GABRR1: variants seen among roughly 807,000 people sequenced by gnomAD.
The protein encoded by GABRR1 is gamma-aminobutyric acid type A receptor subunit rho1, also known as gamma-aminobutyric acid receptor subunit rho-1.
GABRR1 carries 59 observed loss-of-function variants against 55.5 expected under a neutral mutation model. The ratio of observed to expected loss-of-function variants is 1.06; its 90% CI spans 0.86 to 1.32. GABRR1 has a LOEUF of 1.32. GABRR1 is among the 40% of genes most tolerant of loss of function. The pLI, the probability that GABRR1 is intolerant of heterozygous loss-of-function variation, is 0.00. For missense variants in GABRR1, 602 were observed against 619.1 expected, an observed-to-expected ratio of 0.97 and a Z score of 0.29; for synonymous variants, 213 against 226.0, an observed-to-expected ratio of 0.94 and a Z score of 0.51.
chr6:89,180,584 A>C (rs1295002021), intron 8 of GABRR1, 96 bp from the exon 9 acceptor site: 2 of 1,420,862 alleles, frequency 1.4e-6, no homozygotes, highest in African/African-American at 2.8e-5. Context: ...CTGCTCCCTC[A>C]ATCTAGAATG....
chr6:89,183,628 A>G (rs774542678), intron 7 of GABRR1, among the ~76,000 whole-genome samples: 14 of 152,220 alleles, frequency 9.2e-5, no homozygotes, highest in Non-Finnish European at 1.8e-4. Flanking sequence ...CAACAGATGA[A>G]TGGATATGAA....
At chr6:89,227,169 A>C (rs1196630256) in intron 1 of GABRR1, among the ~76,000 whole-genome samples, 2 of 113,340 alleles carry the variant, frequency 1.8e-5, no homozygotes, top group African/African-American at 3.5e-5. Flanking sequence ...TTTTGGGCTG[A>C]GACAATGGGG....
At chr6:89,189,891 A>C (rs1436011517) in intron 6 of GABRR1, among the ~76,000 whole-genome samples, 1 of 151,982 alleles carries the variant, frequency 6.6e-6, no homozygotes, top group African/African-American at 2.4e-5. Flanking sequence ...CTAAAAATAC[A>C]AAAAATTAGC....
At chr6:89,208,368 C>G (rs1367730402) in intron 1 of GABRR1, among the ~76,000 whole-genome samples, 1 of 152,094 alleles carries the variant, frequency 6.6e-6, no homozygotes, top group Non-Finnish European at 1.5e-5. Flanking sequence ...TTTTTGGTAA[C>G]TAATACTGTG....
At chr6:89,184,663 G>C (rs925998825) in intron 7 of GABRR1, among the ~76,000 whole-genome samples, 2 of 152,178 alleles carry the variant, frequency 1.3e-5, no homozygotes, top group African/African-American at 2.4e-5. Flanking sequence ...TGCTGTCAAG[G>C]AGGGGACTCG....
chr6:89,187,630 C>T (rs1480418147), intron 6 of GABRR1, among the ~76,000 whole-genome samples: 3 of 152,124 alleles, frequency 2.0e-5, no homozygotes, highest in African/African-American at 4.8e-5. Flanking sequence ...TCCCTGTTTC[C>T]CCTCTCCCCA....
intron 7 of GABRR1, among the ~76,000 whole-genome samples, chr6:89,184,845 A>G (rs1234190138): frequency 1.3e-5 from 2 of 150,332 alleles, no homozygotes; most frequent in African/African-American, 2.5e-5. Context: ...GCTACCCACT[A>G]GACTTCACTT....
chr6:89,225,983 A>T (rs1245485627), intron 1 of GABRR1, among the ~76,000 whole-genome samples: 2 of 151,126 alleles, frequency 1.3e-5, no homozygotes, highest in Non-Finnish European at 3.0e-5. Context: ...GGTATCTCAT[A>T]GTGGTCTTGA....
At chr6:89,205,049 G>A (rs908943212) in intron 1 of GABRR1, among the ~76,000 whole-genome samples, 2 of 152,162 alleles carry the variant, frequency 1.3e-5, no homozygotes, top group Admixed American at 6.5e-5. Flanking sequence ...CACTGCTTGA[G>A]CACTTCCTAT....
intron 1 of GABRR1, among the ~76,000 whole-genome samples, chr6:89,207,435 T>C (rs1772686556): frequency 6.6e-6 from 1 of 152,138 alleles, no homozygotes; most frequent in Non-Finnish European, 1.5e-5. Context: ...GCTCAAGCGA[T>C]CTGCCCGCCT....
intron 2 of GABRR1, among the ~76,000 whole-genome samples, chr6:89,202,331 A>C (rs1772506034): frequency 1.3e-5 from 2 of 151,946 alleles, no homozygotes; most frequent in African/African-American, 4.8e-5. Context: ...TCACTGTGTC[A>C]CCCAGGCTGG....
At chr6:89,223,910 T>C (rs12202695) in intron 1 of GABRR1, among the ~76,000 whole-genome samples, 54,221 of 151,404 alleles carry the variant, frequency 0.36, 10,229 homozygotes, top group African/African-American at 0.45. Context: ...ACTACAGGCA[T>C]ATGCCACCAT....
upstream of GABRR1, among the ~76,000 whole-genome samples, chr6:89,219,864 T>A (rs1181054879): frequency 6.6e-6 from 1 of 152,210 alleles, no homozygotes; most frequent in African/African-American, 2.4e-5. Flanking sequence ...GTCTGTTCAT[T>A]TTATAGTTAT....
At chr6:89,203,557 C>G (rs1196335586) in intron 1 of GABRR1, 72 bp from the exon 2 acceptor site, 2 of 1,089,642 alleles carry the variant, frequency 1.8e-6, no homozygotes, top group Non-Finnish European at 2.8e-6. Flanking sequence ...GCACCCCTCT[C>G]CCTCCAGATT....
intron 1 of GABRR1, among the ~76,000 whole-genome samples, chr6:89,213,788 C>T (rs921454996): frequency 6.7e-6 from 1 of 149,614 alleles, no homozygotes; most frequent in African/African-American, 2.5e-5. Context: ...AGAAAATACA[C>T]AAAAATGTTA....
chr6:89,207,034 G>T (rs923655228), intron 1 of GABRR1, among the ~76,000 whole-genome samples: 1 of 152,014 alleles, frequency 6.6e-6, no homozygotes, highest in South Asian at 2.1e-4. Flanking sequence ...AGAATTGAAG[G>T]GATCCATAAG....
chr6:89,185,561 A>G (rs757623619), intron 6 of GABRR1, 111 bp from the exon 7 acceptor site: 1 of 914,636 alleles, frequency 1.1e-6, no homozygotes, highest in Non-Finnish European at 1.7e-6. Flanking sequence ...TGGGATTGTG[A>G]TATGATAGTT....
At chr6:89,218,264 A>G (rs1037015216), upstream of GABRR1, among the ~76,000 whole-genome samples, 4 of 152,182 alleles carry the variant, frequency 2.6e-5, no homozygotes, top group Non-Finnish European at 4.4e-5. Context: ...CCATAACTCT[A>G]TAGCTGAAAA....
intron 1 of GABRR1, among the ~76,000 whole-genome samples, chr6:89,230,290 G>GTTCT (rs1773263029): frequency 6.8e-6 from 1 of 146,372 alleles, no homozygotes; most frequent in African/African-American, 2.6e-5. Context: ...ATCCAGCTTT[G>GTTCT]TTCTGTTGCT....
Sources: gnomAD v4.1 joint callset for allele counts (sites outside exome capture counted in the v4.1 genomes callset) on GRCh38, gnomAD v4.1.1 for gene constraint, MANE v1.5 for transcripts, NCBI Gene and HGNC (gene_info 2026-07-23, HGNC 2026-07-21) for gene names.